Variants in NPEPL1 observed in about 807,000 individuals in gnomAD.
The protein encoded by NPEPL1 is aminopeptidase like 1.
A neutral mutation model predicts 52.4 loss-of-function variants in NPEPL1; 45 were observed. That is an observed-to-expected ratio of 0.86 (90% CI 0.68 to 1.10). The LOEUF (loss-of-function observed/expected upper bound fraction) is 1.10. Among genes scored for constraint, NPEPL1 ranks in the 50% least tolerant of loss-of-function variants. The pLI is 0.00. For synonymous variants in NPEPL1, 360 were observed against 314.7 expected (o/e 1.14, Z -1.52); for missense variants, 696 against 710.9 (o/e 0.98, Z 0.24).
Position 58,713,372 on chromosome 20 carries a change from T to C in NPEPL1, c.1002-48T>C, listed in dbSNP as rs767193127. ...CCAGTTTCAAAGGGGCTCATGCCAGTGTCCCAGGAAATCCCGTCCCTGAGC... is the reference window on the plus strand; with the variant it reads ...CCAGTTTCAAAGGGGCTCATGCCAGCGTCCCAGGAAATCCCGTCCCTGAGC... On this transcript the variant is annotated intron_variant, in intron 8 of 11. Coordinates refer to ENST00000356091, the MANE Select transcript of NPEPL1 (RefSeq NM_024663.4). This position sits in a 1 kb window ranked among gnomAD's most constrained non-coding sequence, Gnocchi z 4.6. 5 of 1,538,116 alleles carry C rather than the reference T, an allele frequency of 3.3e-6. No individual in the cohort carries two copies. Among genetic ancestry groups the C allele is most frequent in the Non-Finnish European group, 4.4e-6 (5 of 1,135,502 alleles).
chr20:58,699,969 G>A (rs931428661), intron 5 of NPEPL1, among the ~76,000 whole-genome samples: 5 of 152,234 alleles, frequency 3.3e-5, no homozygotes, highest in African/African-American at 1.2e-4. Context: ...GCCTGCTGTT[G>A]TCAGGTTGTT....
chr20:58,701,800 G>A (rs759996143), intron 6 of NPEPL1, among the ~76,000 whole-genome samples: 19 of 152,126 alleles, frequency 1.2e-4, no homozygotes, highest in Non-Finnish European at 2.2e-4. Flanking sequence ...ATCTGGGCAC[G>A]GCACAGAAGC....
chr20:58,714,018 C>T lies in NPEPL1; in HGVS notation c.1227C>T (p.His409=), dbSNP rs1190007405. The change falls in exon 10 of 12, where the codon CAC becomes CAT. Residue 409 remains histidine, a synonymous_variant. Coordinates refer to ENST00000356091, the MANE Select transcript of NPEPL1 (RefSeq NM_024663.4). ...GCAGGAAGTGTGGGGACCTGGTGCA[C>T]CCGCTGGTCTACTGCCCCGAGCTGC... ...KAGRKCGDLV[H]PLVYCPELHF... is the part of the protein sequence containing the mutation. The T allele has an allele frequency of 2.6e-6, 4 of 1,528,998 alleles. No homozygotes were observed. Among genetic ancestry groups the T allele is most frequent in the South Asian group, 1.2e-5 (1 of 80,314 alleles). 94.7% of individuals were successfully genotyped at this position (1,528,998 alleles called of 1,614,324 possible). A position where few individuals can be genotyped will look rare whatever the true frequency, so the allele number is the denominator to read the frequency against.
chr20:58,705,356 G>A (rs751782664), intron 6 of NPEPL1: 44 of 410,370 alleles, frequency 1.1e-4, no homozygotes, highest in East Asian at 5.8e-4. Flanking sequence ...ACCACTGCCC[G>A]TCAGCAACAG....
In NPEPL1 at chr20:58,704,385, C is replaced by T. The variant is rs188926062; in HGVS notation, c.823-2738C>T. The T allele has an allele frequency of 3.4e-4, 337 of 985,308 alleles. 8 individuals carry two copies. In the Admixed American group the frequency reaches 0.019, roughly 56 times the overall value. 61.0% of individuals were successfully genotyped at this position (985,308 alleles called of 1,614,324 possible). On this transcript the variant is annotated intron_variant, in intron 6 of 11. Coordinates refer to ENST00000356091, the MANE Select transcript of NPEPL1 (RefSeq NM_024663.4). ...AAATGCATTACTGGAGACCCCTTTA[C>T]GCTCTTAACAAGTACCGACCCCAAA...
chr20:58,689,368 C>G (rs2084310935), upstream of NPEPL1, among the ~76,000 whole-genome samples: 1 of 152,046 alleles, frequency 6.6e-6, no homozygotes, highest in Non-Finnish European at 1.5e-5. Flanking sequence ...TCAAGTGATT[C>G]TCATGCCTCA....
At chr20:58,691,213 AT>A (rs774965814), upstream of NPEPL1, 29 of 702,602 alleles carry the variant, frequency 4.1e-5, no homozygotes, top group Non-Finnish European at 6.8e-5. Context: ...AGAGTGAGAG[AT>A]CTTCATACAC....
chr20:58,691,693 C>CTTTTTTTTTTTTTTTTTCTTTTT, upstream of NPEPL1: 2 of 561,310 alleles, frequency 3.6e-6, no homozygotes, highest in South Asian at 2.2e-5. Context: ...TTTTTCTTTT[C>CTTTTTTTTTTTTTTTTTCTTTTT]TTTTTTTTTT....
rs773205707 is a variant in NPEPL1 at position 58,693,775 on chromosome 20, C to T, written c.189C>T (p.Pro63=). The part of the protein sequence containing the change: ...QAALSTLNPN[P]TDSCPLYLNY... ...CCCTGAGCACGCTCAACCCCAACCC[C>T]ACGGACAGCTGTCCCCTCTACCTGA... Residue 63 remains proline (P), a synonymous_variant, in exon 2 of 12, where the codon CCC becomes CCT. Coordinates refer to ENST00000356091, the MANE Select transcript of NPEPL1 (RefSeq NM_024663.4). 4 of 1,613,316 alleles carry T rather than the reference C, an allele frequency of 2.5e-6. No homozygotes were observed. The highest frequency in any genetic ancestry group is 1.7e-4 in the Middle Eastern group (1 of 6,058).
chr20:58,707,655 G>A (rs1020263642), intron 7 of NPEPL1, among the ~76,000 whole-genome samples: 1 of 151,344 alleles, frequency 6.6e-6, no homozygotes, highest in African/African-American at 2.4e-5. Flanking sequence ...TTCCTCTCTT[G>A]CGTGGGCAGG....
Position 58,701,487 on chromosome 20 carries a change from G to A in NPEPL1, c.822+329G>A, listed in dbSNP as rs150320103. ...GTTGGGGTGGGTTCGGGGAGAGTGC[G>A]CAGGGCGGGTTCCCATGTGCTGAGG... On this transcript the variant is annotated intron_variant, in intron 6 of 11. Coordinates refer to ENST00000356091, the MANE Select transcript of NPEPL1 (RefSeq NM_024663.4). Among the ~76,000 whole-genome samples, 826 of 151,984 alleles carry A rather than the reference G, an allele frequency of 5.4e-3. 11 individuals carry two copies. The highest frequency in any genetic ancestry group is 6.8e-3 in the Middle Eastern group (2 of 292).
In NPEPL1 at chr20:58,698,689, A is replaced by G. The variant is rs2084543458; in HGVS notation, c.513A>G (p.Leu171=). The G allele has an allele frequency of 6.2e-7, 1 of 1,612,550 alleles. No homozygotes were observed. Among genetic ancestry groups the G allele is most frequent in the Non-Finnish European group, 8.5e-7 (1 of 1,179,776 alleles). ...GATGGCCTTTTTCTCCCTAGTGCTTAGCGAATGCCACAGACGGCGTGCGGC... is the reference window on the plus strand; with the variant it reads ...GATGGCCTTTTTCTCCCTAGTGCTTGGCGAATGCCACAGACGGCGTGCGGC... The part of the protein sequence containing the change: ...GPVEVSTLQC[L]ANATDGVRLA... Residue 171 remains leucine, a synonymous_variant, in exon 4 of 12, where the codon TTA becomes TTG. Coordinates refer to ENST00000356091, the MANE Select transcript of NPEPL1 (RefSeq NM_024663.4).
At position 58,696,551 on chromosome 20, in the gene NPEPL1, G is replaced by A. The variant is rs75677956; in HGVS notation, c.507+1959G>A. 8.3e-3 allele frequency among the ~76,000 whole-genome samples: 1,270 copies of A among 152,308 alleles called. 11 individuals carry two copies. Among genetic ancestry groups the A allele is most frequent in the African/African-American group, 0.029 (1,202 of 41,558 alleles). ...GGGGCAGTCAGTCCCCATGGCCCCC[G>A]ACCCCATTGGTCCCAACTAGCTAGT... On this transcript the variant is annotated intron_variant, in intron 3 of 11. Coordinates refer to ENST00000356091, the MANE Select transcript of NPEPL1 (RefSeq NM_024663.4).
intron 7 of NPEPL1, among the ~76,000 whole-genome samples, chr20:58,710,028 G>T (rs1481502232): frequency 1.4e-5 from 2 of 138,114 alleles, no homozygotes; most frequent in African/African-American, 2.9e-5. Context: ...GGAATTGTTT[G>T]TGGCTTTTTT....
rs1024443443 is a variant in NPEPL1, at chr20:58,707,167, C to T, written c.867C>T (p.Ala289=). ...AGCGAGACTGCGGGGGTGCTGCGGC[C>T]GTCCTGGGGGCCTTCAGAGCCGCAA... ...GMKRDCGGAA[A]VLGAFRAAIK... Residue 289 remains alanine, a synonymous_variant, in exon 7 of 12, where the codon GCC becomes GCT. Transcript: ENST00000356091. The T allele has an allele frequency of 3.9e-5, 61 of 1,552,444 alleles. No homozygotes were observed. The highest frequency in any genetic ancestry group is 4.9e-5 in the East Asian group (2 of 41,188).
intron 4 of NPEPL1, among the ~76,000 whole-genome samples, 195 bp downstream of exon 4, chr20:58,698,968 TC>T (rs1438857378): frequency 6.6e-6 from 1 of 152,140 alleles, no homozygotes; most frequent in Non-Finnish European, 1.5e-5. Context: ...GGACAGAGCC[TC>T]CTCTTCAAGG....
chr20:58,692,584 A>AGGGCCGCCC (rs200773070), upstream of NPEPL1: 49,381 of 152,894 alleles, frequency 0.32, 8,648 homozygotes, highest in East Asian at 0.4. This position sits in a 1 kb window ranked among gnomAD's most constrained non-coding sequence, Gnocchi z 5.7. Flanking sequence ...CGTGTTGGGC[A>AGGGCCGCCC]GGGCCGCTAG....
chr20:58,715,797 T>C lies in NPEPL1; in HGVS notation c.*471T>C. 6.5e-6 allele frequency: 1 copy of C among 153,468 alleles called. No homozygotes were observed. The highest frequency in any genetic ancestry group is 1.5e-5 in the Non-Finnish European group (1 of 68,848). The allele number at this position is 153,468 out of a possible 1,614,324, so 9.5% of individuals were successfully genotyped here. A position where few individuals can be genotyped will look rare whatever the true frequency, so the allele number is the denominator to read the frequency against. ...GCAAGAGAAGTCACACTCCGGCCTC[T>C]CAGAATTCACTTGAGGTTCAATTAA... On this transcript the variant is annotated 3_prime_UTR_variant, in exon 12 of 12. Transcript: ENST00000356091.
intron 7 of NPEPL1, among the ~76,000 whole-genome samples, chr20:58,708,015 T>C (rs1360863415): frequency 1.3e-5 from 2 of 151,854 alleles, no homozygotes; most frequent in Non-Finnish European, 2.9e-5. Flanking sequence ...GCCCGGGAGG[T>C]TGAGGCTGCA....
Sources: allele counts gnomAD v4.1 joint callset (sites outside exome capture counted in the v4.1 genomes callset), GRCh38; gene constraint gnomAD v4.1.1; non-coding constraint Gnocchi (gnomAD v3.1); transcripts MANE v1.5; gene names NCBI Gene and HGNC (gene_info 2026-07-23, HGNC 2026-07-21).